SCFD2: variants seen among roughly 807,000 people sequenced by gnomAD.
SCFD2 encodes sec1 family domain-containing protein 2.
SCFD2 carries 54 observed loss-of-function variants against 58.9 expected under a neutral mutation model. The observed-to-expected ratio is 0.92, with a 90% CI of 0.74 to 1.15. The LOEUF (loss-of-function observed/expected upper bound fraction) is 1.15. Among genes scored for constraint, SCFD2 ranks in the 50% most tolerant of loss-of-function variants. The pLI is 0.00. For missense variants in SCFD2, 805 were observed against 836.6 expected (o/e 0.96, Z 0.47); for synonymous variants, 321 against 335.9 (o/e 0.96, Z 0.49).
At chr4:53,345,963 T>C (rs1363132395) in intron 2 of SCFD2, among the ~76,000 whole-genome samples, 1 of 151,896 alleles carries the variant, frequency 6.6e-6, no homozygotes, top group African/African-American at 2.4e-5. Flanking sequence ...TAGGGGGGGC[T>C]TGGGGAGGGA....
chr4:53,250,238 C>A (rs957889914), intron 4 of SCFD2, among the ~76,000 whole-genome samples: 25 of 152,144 alleles, frequency 1.6e-4, no homozygotes, highest in African/African-American at 5.1e-4. Context: ...ATCAATGCAA[C>A]AAGAAGAACT....
intron 1 of SCFD2, among the ~76,000 whole-genome samples, chr4:53,362,652 G>A (rs1261631216): frequency 4.0e-5 from 6 of 148,318 alleles, no homozygotes; most frequent in African/African-American, 1.3e-4. Flanking sequence ...AACAAGTATA[G>A]ACAACTCTTT....
At chr4:52,914,138 C>T (rs182372360) in intron 6 of SCFD2, among the ~76,000 whole-genome samples, 2 of 152,242 alleles carry the variant, frequency 1.3e-5, no homozygotes, top group African/African-American at 2.4e-5. Context: ...TCCCTGGAAA[C>T]CTGATAAAGG....
At chr4:53,053,112 C>T (rs538904180) in intron 5 of SCFD2, among the ~76,000 whole-genome samples, 4 of 152,048 alleles carry the variant, frequency 2.6e-5, no homozygotes, top group African/African-American at 9.6e-5. Context: ...GTAATCCCAG[C>T]TACTTGGGAG....
intron 5 of SCFD2, among the ~76,000 whole-genome samples, chr4:53,103,731 A>G (rs1724896334): frequency 7.4e-6 from 1 of 135,586 alleles, no homozygotes; most frequent in Non-Finnish European, 1.6e-5. Context: ...GGAAATATAC[A>G]TGAGTCTGGG....
At chr4:53,347,834 A>G (rs1486791427) in intron 2 of SCFD2, among the ~76,000 whole-genome samples, 1 of 152,204 alleles carries the variant, frequency 6.6e-6, no homozygotes, top group African/African-American at 2.4e-5. Flanking sequence ...ACAGAGAGCA[A>G]TGGGAGAGAA....
intron 8 of SCFD2, among the ~76,000 whole-genome samples, chr4:52,880,285 C>CT (rs1158989816): frequency 6.6e-6 from 1 of 150,646 alleles, no homozygotes; most frequent in African/African-American, 2.4e-5. Context: ...GTGTGCAAAA[C>CT]TATTTTTTTT....
intron 5 of SCFD2, among the ~76,000 whole-genome samples, chr4:53,004,652 TG>T (rs1205678895): frequency 1.6e-4 from 24 of 152,164 alleles, no homozygotes; most frequent in Non-Finnish European, 1.5e-5. Context: ...CAAGTGTGGC[TG>T]GGGACAGATG....
Position 53,329,157 on chromosome 4 carries a change from G to A in SCFD2, c.1008-15394C>T, listed in dbSNP as rs560550020. On this transcript the variant is annotated intron_variant, in intron 2 of 8. Transcript: ENST00000401642. ...TGAGATCAAACTGCAAGGTGGCAGCGAGGCTGGGGAAGAGGCGCCCGCCAT... is the reference window on the plus strand; with the variant it reads ...TGAGATCAAACTGCAAGGTGGCAGCAAGGCTGGGGAAGAGGCGCCCGCCAT... Among the ~76,000 whole-genome samples, 8 of 152,318 alleles carry A rather than the reference G, an allele frequency of 5.3e-5. No homozygotes were observed. The South Asian group carries it at 8.3e-4, about 16-fold the overall frequency.
intron 3 of SCFD2, among the ~76,000 whole-genome samples, chr4:53,298,736 C>G (rs1345459397): frequency 1.3e-5 from 2 of 152,120 alleles, no homozygotes; most frequent in Non-Finnish European, 2.9e-5. Flanking sequence ...GGGTACTCCT[C>G]TGAGACAAAA....
intron 5 of SCFD2, among the ~76,000 whole-genome samples, chr4:53,007,305 G>GAGA (rs1721990724): frequency 2.1e-4 from 14 of 66,080 alleles, no homozygotes; most frequent in African/African-American, 8.7e-4. Context: ...AGAGGGAGAG[G>GAGA]GAGAGAGAGA....
intron 5 of SCFD2, among the ~76,000 whole-genome samples, chr4:53,036,214 C>T (rs1357653389): frequency 6.6e-6 from 1 of 151,820 alleles, no homozygotes; most frequent in Non-Finnish European, 1.5e-5. Flanking sequence ...CCCCCAGCCC[C>T]CAATCCCCTG....
chr4:52,910,733 C>A (rs560488307), intron 6 of SCFD2, among the ~76,000 whole-genome samples: 15 of 152,180 alleles, frequency 9.9e-5, no homozygotes, highest in African/African-American at 3.4e-4. Context: ...CCACATGCAG[C>A]AGGAGGGACC....
chr4:53,293,500 T>C (rs1731914884), intron 3 of SCFD2, among the ~76,000 whole-genome samples: 1 of 152,158 alleles, frequency 6.6e-6, no homozygotes, highest in Non-Finnish European at 1.5e-5. Context: ...TATACTATAA[T>C]ATATCACAAT....
chr4:53,209,839 G>A (rs745941050), intron 4 of SCFD2, among the ~76,000 whole-genome samples: 1 of 151,578 alleles, frequency 6.6e-6, no homozygotes, highest in Non-Finnish European at 1.5e-5. Context: ...CAAAAAAGAG[G>A]ATGGAGAACT....
chr4:53,044,912 C>CG (rs1052919474), intron 5 of SCFD2, among the ~76,000 whole-genome samples: 1 of 14,172 alleles, frequency 7.1e-5, no homozygotes, highest in Non-Finnish European at 3.3e-4. Context: ...CCCAACCCCC[C>CG]CCCCCCGCCC....
chr4:52,989,705 A>T (rs1384443195), intron 5 of SCFD2, among the ~76,000 whole-genome samples: 1 of 151,996 alleles, frequency 6.6e-6, no homozygotes, highest in East Asian at 1.9e-4. Flanking sequence ...TCCTGTTTTC[A>T]TTTCTTTCAT....
intron 1 of SCFD2, among the ~76,000 whole-genome samples, chr4:53,356,488 C>T (rs1734403923): frequency 6.6e-6 from 1 of 152,182 alleles, no homozygotes; most frequent in Non-Finnish European, 1.5e-5. Flanking sequence ...TGCAGTGGCT[C>T]AATCATGGCT....
intron 2 of SCFD2, among the ~76,000 whole-genome samples, chr4:53,342,042 G>C (rs1289964413): frequency 1.3e-5 from 2 of 152,172 alleles, no homozygotes; most frequent in Non-Finnish European, 2.9e-5. Context: ...TGAAGAAACT[G>C]CATCAAGTAA....
Sources: allele counts gnomAD v4.1 joint callset (sites outside exome capture counted in the v4.1 genomes callset), GRCh38; gene constraint gnomAD v4.1.1; transcripts MANE v1.5; gene names NCBI Gene and HGNC (gene_info 2026-07-23, HGNC 2026-07-21).